The following RSPH10B2 variants were observed in gnomAD, a reference collection of about 807,000 sequenced individuals.
RSPH10B2 encodes the protein radial spoke head 10 homolog B2.
RSPH10B2 carries 9 observed loss-of-function variants against 49.0 expected under a neutral mutation model. The ratio of observed to expected loss-of-function variants is 0.18; its 90% confidence interval spans 0.11 to 0.32. The LOEUF (loss-of-function observed/expected upper bound fraction) is 0.32. RSPH10B2 is among the 10% of genes least tolerant of loss of function. The pLI is 1.00. For synonymous variants in RSPH10B2, 35 were observed against 210.2 expected, an observed-to-expected ratio of 0.17 and a Z score of 7.21; for missense variants, 95 against 589.9, an observed-to-expected ratio of 0.16 and a Z score of 8.69.
In RSPH10B2 at chr7:6,796,305, C is replaced by T. The variant is rs2711256; in HGVS notation, c.2234-263C>T. Among the ~76,000 whole-genome samples the T allele has an allele frequency of 4.1e-3, 450 of 110,896 alleles. 2 individuals are homozygous for T. The highest frequency in any genetic ancestry group is 0.015 in the Middle Eastern group (3 of 202). 72.8% of individuals were successfully genotyped at this position (110,896 alleles called of 152,430 possible). On this transcript the variant is annotated intron_variant, in intron 17 of 18. Transcript: ENST00000297186. ...CTCCAGCCTGGGTGACAGAGTGAGA[C>T]TCTGTCTCCAAAAAAAAAAAAACAA...
At chr7:6,764,330 C>T (rs1256281105) in intron 4 of RSPH10B2, among the ~76,000 whole-genome samples, 7 of 148,908 alleles carry the variant, frequency 4.7e-5, no homozygotes, top group East Asian at 2.0e-4. Context: ...TTTATTGAGG[C>T]GAAATTCACA....
intron 17 of RSPH10B2, among the ~76,000 whole-genome samples, chr7:6,793,428 G>T (rs60485381): frequency 0.013 from 1,540 of 115,932 alleles, 407 homozygotes; most frequent in Middle Eastern, 0.029. Flanking sequence ...CCGTCCCGGG[G>T]CCTTGTCTTC....
chr7:6,783,905 T>C, intron 13 of RSPH10B2, among the ~76,000 whole-genome samples: 1 of 140,622 alleles, frequency 7.1e-6, no homozygotes, highest in East Asian at 2.0e-4. Context: ...GACCTGATCT[T>C]GGCTCACTGC....
At position 6,784,857 on chromosome 7, in the gene RSPH10B2, C is replaced by T. The variant is rs1448368978; in HGVS notation, c.1759-1092C>T. ...CTGGGATTACAGGTGTGAGCCACCG[C>T]GCCCGGCCCCACATAACGTTATTGA... On this transcript the variant is annotated intron_variant, in intron 13 of 18. Coordinates refer to ENST00000297186, the Ensembl canonical transcript of RSPH10B2. Among the ~76,000 whole-genome samples the T allele has an allele frequency of 5.6e-4, 44 of 79,186 alleles. 2 individuals carry two copies. The highest frequency in any genetic ancestry group is 6.9e-4 in the Non-Finnish European group (31 of 44,698). The allele number at this position is 79,186 out of a possible 152,430, so 51.9% of individuals were successfully genotyped here.
At chr7:6,767,809 A>G (rs1049650072) in intron 6 of RSPH10B2, among the ~76,000 whole-genome samples, 9 of 61,280 alleles carry the variant, frequency 1.5e-4, no homozygotes, top group Non-Finnish European at 8.6e-5. Context: ...CTGGTCTTGA[A>G]CTCTGAGGCT....
chr7:6,763,512 C>A (rs1377467304), intron 3 of RSPH10B2, among the ~76,000 whole-genome samples: 3 of 122,356 alleles, frequency 2.5e-5, no homozygotes, highest in Non-Finnish European at 5.2e-5. Context: ...GCCTCAAATT[C>A]CCGGCCTCAA....
At chr7:6,758,397 C>T (rs1249791628) in intron 1 of RSPH10B2, among the ~76,000 whole-genome samples, 1 of 147,872 alleles carries the variant, frequency 6.8e-6, no homozygotes, top group Non-Finnish European at 1.5e-5. Context: ...CTAGTAAGCC[C>T]ATCACCCAAA....
At position 6,780,357 on chromosome 7, in the gene RSPH10B2, T is replaced by C. The variant is rs1781886501; in HGVS notation, c.1530-452T>C. On this transcript the variant is annotated intron_variant, in intron 11 of 18. Coordinates refer to ENST00000297186, the Ensembl canonical transcript of RSPH10B2. ...GTCTTTCTTACAGCAAAAGTGGTTT[T>C]ATATCTTTTTTTAAAAAAACTTTTA... 1.6e-5 allele frequency among the ~76,000 whole-genome samples: 2 copies of C among 124,778 alleles called. 1 individual carries two copies. Among genetic ancestry groups the C allele is most frequent in the East Asian group, 5.2e-4 (2 of 3,872 alleles). The allele number at this position is 124,778 out of a possible 152,430, so 81.9% of individuals were successfully genotyped here. A position where few individuals can be genotyped will look rare whatever the true frequency, so the allele number is the denominator to read the frequency against.
intron 11 of RSPH10B2, among the ~76,000 whole-genome samples, chr7:6,780,444 C>T (rs1481886274): frequency 8.6e-6 from 1 of 115,886 alleles, no homozygotes; most frequent in Non-Finnish European, 1.8e-5. Flanking sequence ...AGTGCAGTGG[C>T]GCGATCTCGG....
At chr7:6,783,814 C>T (rs1448538776) in intron 13 of RSPH10B2, among the ~76,000 whole-genome samples, 1 of 143,914 alleles carries the variant, frequency 6.9e-6, no homozygotes, top group Non-Finnish European at 1.5e-5. Flanking sequence ...TTGCAATTGC[C>T]CATTGAATAA....
At chr7:6,756,042 G>A (rs1200257892), upstream of RSPH10B2, among the ~76,000 whole-genome samples, 1 of 150,642 alleles carries the variant, frequency 6.6e-6, no homozygotes, top group Non-Finnish European at 1.5e-5. Context: ...GCCAAGGCGG[G>A]CAGATCACGA....
intron 17 of RSPH10B2, chr7:6,794,494 GAC>G (rs1199117588): frequency 6.9e-5 from 8 of 116,402 alleles, no homozygotes; most frequent in Admixed American, 2.9e-4. Context: ...TCCCAGCAGA[GAC>G]AGGGCATTCC....
At chr7:6,784,613 T>C (rs1364018812) in intron 13 of RSPH10B2, among the ~76,000 whole-genome samples, 2 of 106,468 alleles carry the variant, frequency 1.9e-5, no homozygotes, top group African/African-American at 8.3e-5. Flanking sequence ...TCACCCAGGC[T>C]GGAGTGCGGT....
intron 9 of RSPH10B2, among the ~76,000 whole-genome samples, chr7:6,774,768 T>TTC (rs199564435): frequency 6.8e-6 from 1 of 147,562 alleles, no homozygotes; most frequent in African/African-American, 2.5e-5. Flanking sequence ...TTTTTTTTTT[T>TTC]CTTGTTGAGA....
intron 13 of RSPH10B2, among the ~76,000 whole-genome samples, chr7:6,782,626 A>G (rs1781985002): frequency 8.3e-6 from 1 of 120,740 alleles, no homozygotes; most frequent in Non-Finnish European, 1.7e-5. Context: ...ATCTTTTTAA[A>G]AAGGAAGGAC....
upstream of RSPH10B2, among the ~76,000 whole-genome samples, chr7:6,755,848 ACT>A (rs1441349840): frequency 7.7e-5 from 9 of 116,702 alleles, no homozygotes; most frequent in East Asian, 2.3e-4. Flanking sequence ...CAGGAGAATC[ACT>A]TGAACCTGCA....
chr7:6,784,500 TA>T (rs1782067967), intron 13 of RSPH10B2, among the ~76,000 whole-genome samples: 1 of 37,366 alleles, frequency 2.7e-5, no homozygotes, highest in Non-Finnish European at 4.2e-5. Flanking sequence ...GGCTGGTCGG[TA>T]TGAGTGATTT....
chr7:6,758,527 T>C (rs879383646), intron 1 of RSPH10B2, among the ~76,000 whole-genome samples: 3 of 126,476 alleles, frequency 2.4e-5, no homozygotes, highest in Admixed American at 8.1e-5. Flanking sequence ...AGTACGTTCA[T>C]AGTGTTGTAC....
chr7:6,795,835 G>A lies in RSPH10B2; in HGVS notation c.2234-733G>A, dbSNP rs2240411. The stretch of plus-strand genomic sequence containing the variant: ...TCTCAGCTATTAGGGAGGCTGAGAT[G>A]GGAGGATCACTTGAGCCCAGGAGTT... On this transcript the variant is annotated intron_variant, in intron 17 of 18. Transcript: ENST00000297186. Among the ~76,000 whole-genome samples the A allele has an allele frequency of 7.4e-5, 11 of 148,620 alleles. 1 individual carries two copies. Among genetic ancestry groups the A allele is most frequent in the Non-Finnish European group, 1.2e-4 (8 of 66,662 alleles).
Sources: gnomAD v4.1 joint callset for allele counts (sites outside exome capture counted in the v4.1 genomes callset) on GRCh38, gnomAD v4.1.1 for gene constraint, MANE v1.5 for transcripts, NCBI Gene and HGNC (gene_info 2026-07-23, HGNC 2026-07-21) for gene names.